The following LAMA4 variants were observed in gnomAD, a reference collection of about 807,000 sequenced individuals.
LAMA4 encodes the protein laminin subunit alpha-4.
LAMA4 carries 127 observed loss-of-function variants against 207.1 expected under a neutral mutation model. The observed-to-expected ratio is 0.61, with a 90% CI of 0.53 to 0.71. The LOEUF (loss-of-function observed/expected upper bound fraction) is 0.71, where lower values mean the gene tolerates loss of function less well. Ranked by LOEUF, LAMA4 falls within the 30% of genes least tolerant of loss-of-function variation. The pLI is 0.00. For missense variants in LAMA4, 2,093 were observed against 2,246.5 expected (o/e 0.93, Z 1.38); for synonymous variants, 761 against 816.0 (o/e 0.93, Z 1.15).
At chr6:112,132,708 A>G (rs1554330221) in intron 28 of LAMA4, 45 bp downstream of exon 28, 8 of 1,584,926 alleles carry the variant, frequency 5.0e-6, no homozygotes, top group Non-Finnish European at 6.9e-6. Context: ...AATAGGCAAA[A>G]CAATTATCAC....
rs782393057 is a variant in LAMA4 at position 112,117,943 on chromosome 6, A to G, written c.4822-45T>C. 7 of 1,567,706 alleles carry G rather than the reference A, an allele frequency of 4.5e-6. No homozygotes were observed. Among genetic ancestry groups the G allele is most frequent in the Middle Eastern group, 3.4e-4 (2 of 5,928 alleles). ...CTTAAAATCAATTTTCTCAACACAA[A>G]TGCACCAAGGGGAAGCAAAATGAGG... On this transcript the variant is annotated intron_variant, in intron 34 of 38. Transcript: ENST00000230538. This position sits in a 1 kb window ranked among gnomAD's most constrained non-coding sequence, Gnocchi z 4.5.
chr6:112,224,680 GA>G (rs1562753215), intron 2 of LAMA4, among the ~76,000 whole-genome samples: 1 of 152,106 alleles, frequency 6.6e-6, no homozygotes, highest in Non-Finnish European at 1.5e-5. Flanking sequence ...GCCAGTGGTA[GA>G]GGTGTTTGCC....
intron 2 of LAMA4, among the ~76,000 whole-genome samples, chr6:112,241,655 A>G (rs1562103048): frequency 6.6e-6 from 1 of 152,182 alleles, no homozygotes; most frequent in Non-Finnish European, 1.5e-5. Context: ...TAATACACAT[A>G]AGTACTTAGA....
Position 112,139,808 on chromosome 6 carries a change from C to T in LAMA4, c.3054G>A (p.Leu1018=). The T allele has an allele frequency of 6.2e-7, 1 of 1,614,030 alleles. No individual in the cohort carries two copies. The highest frequency in any genetic ancestry group is 8.5e-7 in the Non-Finnish European group (1 of 1,179,912). Residue 1018 remains leucine, a synonymous_variant, in exon 23 of 39, where the codon TTG becomes TTA. Coordinates refer to ENST00000230538, the MANE Select transcript of LAMA4 (RefSeq NM_001105206.3). The stretch of plus-strand genomic sequence containing the variant: ...TATTATAGATGTGCTTAAAGTTGTA[C>T]AAGCTGATCACATCATTATTCAAAG... The part of the protein sequence containing the change: ...LATLNNDVIS[L]YNFKHIYNMD...
At chr6:112,137,366 A>C (rs1273314935) in intron 24 of LAMA4, among the ~76,000 whole-genome samples, 1 of 152,242 alleles carries the variant, frequency 6.6e-6, no homozygotes, top group African/African-American at 2.4e-5. Context: ...ACTAATTTAA[A>C]AAAACCTGAA....
chr6:112,229,381 C>T (rs1554363781), intron 2 of LAMA4, among the ~76,000 whole-genome samples: 1 of 152,140 alleles, frequency 6.6e-6, no homozygotes, highest in Non-Finnish European at 1.5e-5. Flanking sequence ...TGAAAACAGC[C>T]AAAACCATAC....
In LAMA4 at chr6:112,241,140, T is replaced by TATATATATGAATATATATATGA. The variant is rs1562101945; in HGVS notation, c.195+12794_195+12815dup. The stretch of plus-strand genomic sequence containing the variant: ...GAATATATATATGAATATATAGGAA[T>TATATATATGAATATATATATGA]ATATATATGAATATATATATGAATA... On this transcript the variant is annotated intron_variant, in intron 2 of 38. Transcript: ENST00000230538. Among the ~76,000 whole-genome samples the TATATATATGAATATATATATGA allele has an allele frequency of 5.2e-3, 357 of 68,420 alleles. 2 individuals are homozygous for TATATATATGAATATATATATGA. The highest frequency in any genetic ancestry group is 0.01 in the African/African-American group (214 of 20,632). 44.9% of individuals were successfully genotyped at this position (68,420 alleles called of 152,430 possible). A position where few individuals can be genotyped will look rare whatever the true frequency, so the allele number is the denominator to read the frequency against.
chr6:112,168,295 T>C lies in LAMA4; in HGVS notation c.1552-3019A>G, dbSNP rs561389741. 2.0e-5 allele frequency among the ~76,000 whole-genome samples: 3 copies of C among 150,618 alleles called. No individual in the cohort carries two copies. The East Asian group carries it at 5.9e-4, about 29-fold the overall frequency. On this transcript the variant is annotated intron_variant, in intron 12 of 38. Coordinates refer to ENST00000230538, the MANE Select transcript of LAMA4 (RefSeq NM_001105206.3). ...GTGATCATTCCAGTGATACAACCAA[T>C]GGCTGCACCAGTAGAGAGGAAGGAA...
rs1779738379 is a variant in LAMA4 at position 112,142,194 on chromosome 6, G to A, written c.2592C>T (p.Tyr864=). The A allele has an allele frequency of 1.9e-6, 3 of 1,614,010 alleles. No individual in the cohort carries two copies. The highest frequency in any genetic ancestry group is 1.7e-5 in the Admixed American group (1 of 59,998). The change falls in exon 20 of 39, where the codon TAC becomes TAT. Residue 864 remains tyrosine, a synonymous_variant. Transcript: ENST00000230538. ...CCGGCCGCTTCACAGGGGGTTTCATGTACAGGCTCAGAGACGTGAAGGCCT... is the reference window on the plus strand; with the variant it reads ...CCGGCCGCTTCACAGGGGGTTTCATATACAGGCTCAGAGACGTGAAGGCCT... The part of the protein sequence containing the change: ...DLKAFTSLSL[Y]MKPPVKRPEL...
intron 15 of LAMA4, 122 bp from the exon 16 acceptor site, chr6:112,155,069 T>A: frequency 1.3e-6 from 1 of 747,822 alleles, no homozygotes; most frequent in Non-Finnish European, 2.4e-6. Context: ...TTTAGCTTTA[T>A]TTTCACAGCT....
chr6:112,171,310 T>C (rs763846146), intron 12 of LAMA4, among the ~76,000 whole-genome samples: 4 of 151,978 alleles, frequency 2.6e-5, no homozygotes, highest in Admixed American at 1.3e-4. Flanking sequence ...AGCACTGTTA[T>C]AGGTGATGAG....
rs1427574029 is a variant in LAMA4, at chr6:112,185,229, A to G, written c.1077+8T>C. The G allele has an allele frequency of 6.5e-7, 1 of 1,542,820 alleles. No individual in the cohort carries two copies. Among genetic ancestry groups the G allele is most frequent in the Non-Finnish European group, 9.0e-7 (1 of 1,115,176 alleles). On this transcript the variant is annotated splice_region_variant and intron_variant, in intron 9 of 38. Coordinates refer to ENST00000230538, the MANE Select transcript of LAMA4 (RefSeq NM_001105206.3). ...GCTGTCCCAGAAACTGAATACATAC[A>G]TACGTACCTTTTCAACTAATTCCTC...
At chr6:112,136,732 A>T (rs1779377494) in intron 24 of LAMA4, among the ~76,000 whole-genome samples, 1 of 151,406 alleles carries the variant, frequency 6.6e-6, no homozygotes, top group Admixed American at 6.6e-5. Context: ...CCATATCAGC[A>T]GCTATTTCTC....
In LAMA4 at chr6:112,238,841, C is replaced by G. The variant is rs73546250; in HGVS notation, c.195+15115G>C. 7.7e-3 allele frequency among the ~76,000 whole-genome samples: 1,177 copies of G among 152,292 alleles called. 22 individuals carry two copies. Among genetic ancestry groups the G allele is most frequent in the African/African-American group, 0.026 (1,094 of 41,564 alleles). The stretch of plus-strand genomic sequence containing the variant: ...AATTACACGCACTATCTTATTTTCT[C>G]AGAAGATTTCTTTTGTGGTTATAAA... On this transcript the variant is annotated intron_variant, in intron 2 of 38. Transcript: ENST00000230538.
rs927436224 is a variant in LAMA4 at position 112,207,038 on chromosome 6, G to C, written c.405C>G (p.Pro135=). 1.4e-5 allele frequency: 23 copies of C among 1,613,788 alleles called. No homozygotes were observed. Among genetic ancestry groups the C allele is most frequent in the Non-Finnish European group, 1.9e-5 (22 of 1,179,918 alleles). The change falls in exon 4 of 39, where the codon CCC becomes CCG. Residue 135 remains proline (P), a synonymous_variant. Coordinates refer to ENST00000230538, the MANE Select transcript of LAMA4 (RefSeq NM_001105206.3). The part of the protein sequence containing the change: ...APQFCQPCPC[P]LPHLANFAES... ...GGACTTACTTGGCCAAGTGGGGCAG[G>C]GGACAGGGGCACGGCTGGCAGAATT...
chr6:112,128,113 G>C (rs1012556042), intron 31 of LAMA4, among the ~76,000 whole-genome samples: 1 of 152,062 alleles, frequency 6.6e-6, no homozygotes, highest in Non-Finnish European at 1.5e-5. Context: ...GCCTAAAATT[G>C]TTACACAAAA....
At chr6:112,183,951 A>C (rs1554345905) in intron 9 of LAMA4, among the ~76,000 whole-genome samples, 1 of 41,224 alleles carries the variant, frequency 2.4e-5, no homozygotes, top group Admixed American at 2.9e-4. Flanking sequence ...ACTCCATCTC[A>C]AAAAAAAAAA....
At chr6:112,132,513 C>T (rs961408105) in intron 28 of LAMA4, among the ~76,000 whole-genome samples, 1 of 152,108 alleles carries the variant, frequency 6.6e-6, no homozygotes, top group African/African-American at 2.4e-5. Flanking sequence ...AGTCCACAGA[C>T]CCCCCTGAAT....
At chr6:112,220,199 A>G (rs1240575958) in intron 2 of LAMA4, among the ~76,000 whole-genome samples, 4 of 152,184 alleles carry the variant, frequency 2.6e-5, no homozygotes, top group Non-Finnish European at 4.4e-5. Context: ...TCTTTGACCA[A>G]TTACCTTCCA....
Sources: allele counts gnomAD v4.1 joint callset (sites outside exome capture counted in the v4.1 genomes callset), GRCh38; gene constraint gnomAD v4.1.1; non-coding constraint Gnocchi (gnomAD v3.1); transcripts MANE v1.5; gene names NCBI Gene and HGNC (gene_info 2026-07-23, HGNC 2026-07-21).